Variants in ATP6V1A observed in about 807,000 individuals in gnomAD.
ATP6V1A encodes the protein ATPase H+ transporting V1 subunit A.
ATP6V1A carries 18 observed loss-of-function variants against 70.1 expected under a neutral mutation model. That is an observed-to-expected ratio of 0.26 (90% CI 0.18 to 0.38). ATP6V1A has a LOEUF of 0.38. Among genes scored for constraint, ATP6V1A ranks in the 10% least tolerant of loss-of-function variants. The pLI, the probability that ATP6V1A is intolerant of heterozygous loss-of-function variation, is 1.00. For missense variants in ATP6V1A, 424 were observed against 772.4 expected (o/e 0.55, Z 5.35); for synonymous variants, 232 against 253.8 (o/e 0.91, Z 0.82).
intron 12 of ATP6V1A, among the ~76,000 whole-genome samples, chr3:113,800,181 G>A (rs937226193): frequency 1.4e-5 from 2 of 146,896 alleles, no homozygotes; most frequent in Admixed American, 1.4e-4. Context: ...GCAGTGAGCC[G>A]AAATCACGCC....
At chr3:113,798,214 G>C (rs1372432462) in intron 11 of ATP6V1A, 29 bp from the exon 12 acceptor site, 2 of 1,606,338 alleles carry the variant, frequency 1.2e-6, no homozygotes, top group African/African-American at 2.7e-5. Flanking sequence ...AAAAATTACT[G>C]TTTTTGTGTG....
intron 12 of ATP6V1A, 69 bp downstream of exon 12, chr3:113,798,515 C>A: frequency 2.2e-6 from 3 of 1,390,062 alleles, no homozygotes; most frequent in Non-Finnish European, 3.0e-6. Context: ...ACAGATAGAG[C>A]CTTGGATATT....
intron 13 of ATP6V1A, 148 bp from the exon 14 acceptor site, chr3:113,805,206 A>G (rs2108045731): frequency 1.3e-6 from 1 of 784,244 alleles, no homozygotes; most frequent in African/African-American, 1.8e-5. Context: ...TCTTTTCACT[A>G]TTATTTTTTT....
At chr3:113,789,012 T>C in intron 7 of ATP6V1A, 137 bp downstream of exon 7, 1 of 782,740 alleles carries the variant, frequency 1.3e-6, no homozygotes, top group Non-Finnish European at 2.0e-6. Flanking sequence ...TAAAATTATA[T>C]TTGTAATTAA....
In ATP6V1A at chr3:113,783,426, A is replaced by G. The variant is rs1010987700; in HGVS notation, c.212-798A>G. 6.6e-5 allele frequency among the ~76,000 whole-genome samples: 10 copies of G among 152,278 alleles called. No homozygotes were observed. In the East Asian group the frequency reaches 1.9e-3, roughly 29 times the overall value. Reference sequence around the variant, plus strand: ...ATGCTTATTTATATATTTTATTCTTATTTGTATGTTTTCAAAATAACTTTA... The same window carrying G: ...ATGCTTATTTATATATTTTATTCTTGTTTGTATGTTTTCAAAATAACTTTA... On this transcript the variant is annotated intron_variant, in intron 3 of 14. Coordinates refer to ENST00000273398, the MANE Select transcript of ATP6V1A (RefSeq NM_001690.4).
chr3:113,778,675 C>G (rs1446550054), intron 1 of ATP6V1A, 66 bp from the exon 2 acceptor site: 1 of 833,382 alleles, frequency 1.2e-6, no homozygotes, highest in East Asian at 3.0e-5. Context: ...AGTGGACTAC[C>G]TATATTTTGG....
Position 113,778,906 on chromosome 3 carries a change from A to G in ATP6V1A, c.82+71A>G, listed in dbSNP as rs190971499. ...TTAATGTCTTTTCAAAATATTTTAC[A>G]TAGAAATATACAACTTTCTGTTTAC... On this transcript the variant is annotated intron_variant, in intron 2 of 14. Coordinates refer to ENST00000273398, the MANE Select transcript of ATP6V1A (RefSeq NM_001690.4). 2.1e-4 allele frequency: 219 copies of G among 1,042,196 alleles called. No homozygotes were observed. In the Middle Eastern group the frequency reaches 3.1e-3, roughly 15 times the overall value. The allele number at this position is 1,042,196 out of a possible 1,614,324, so 64.6% of individuals were successfully genotyped here.
chr3:113,767,429 C>T (rs185464671), intron 1 of ATP6V1A, among the ~76,000 whole-genome samples: 1 of 152,144 alleles, frequency 6.6e-6, no homozygotes, highest in East Asian at 1.9e-4. Flanking sequence ...TACTGAGTTA[C>T]TGCTGTATAA....
chr3:113,774,697 C>G (rs1487906650), intron 1 of ATP6V1A, among the ~76,000 whole-genome samples: 4 of 151,906 alleles, frequency 2.6e-5, no homozygotes, highest in Non-Finnish European at 4.4e-5. Flanking sequence ...ACTGTAGTCC[C>G]AGCTACTCAG....
chr3:113,772,829 A>G (rs1021650185), intron 1 of ATP6V1A, among the ~76,000 whole-genome samples: 1 of 151,950 alleles, frequency 6.6e-6, no homozygotes, highest in African/African-American at 2.4e-5. Context: ...AGCAGATTTC[A>G]GGATGTATTT....
chr3:113,755,891 T>C (rs1405708659), intron 1 of ATP6V1A, among the ~76,000 whole-genome samples: 3 of 152,180 alleles, frequency 2.0e-5, no homozygotes, highest in Non-Finnish European at 4.4e-5. Flanking sequence ...GAGTATTACG[T>C]TGGAGATCTT....
chr3:113,747,277 C>G (rs886582830), intron 1 of ATP6V1A, 164 bp downstream of exon 1: 27 of 152,266 alleles, frequency 1.8e-4, no homozygotes, highest in African/African-American at 6.5e-4. Flanking sequence ...ACCCCCGCTC[C>G]CCCAAGTGTG....
At chr3:113,749,263 T>TCACACACACACACACACACACACA (rs58516178) in intron 1 of ATP6V1A, among the ~76,000 whole-genome samples, 4 of 141,162 alleles carry the variant, frequency 2.8e-5, no homozygotes, top group African/African-American at 1.1e-4. Context: ...TATACACAGA[T>TCACACACACACACACACACACACA]CACACACACA....
intron 7 of ATP6V1A, 42 bp downstream of exon 7, chr3:113,788,917 C>T (rs1709065177): frequency 6.5e-7 from 1 of 1,549,944 alleles, no homozygotes; most frequent in Non-Finnish European, 8.9e-7. Flanking sequence ...GAAAATACCA[C>T]TCATCAGTGT....
In ATP6V1A at chr3:113,798,224, G is replaced by T. The variant is rs1176638835; in HGVS notation, c.1291-19G>T. Reference sequence around the variant, plus strand: ...TTGAGAAAAATTACTGTTTTTGTGTGTGTGTTTTTTTTAATCAGGTGTTCT... The same window carrying T: ...TTGAGAAAAATTACTGTTTTTGTGTTTGTGTTTTTTTTAATCAGGTGTTCT... On this transcript the variant is annotated intron_variant, in intron 11 of 14. Transcript: ENST00000273398. 6.2e-7 allele frequency: 1 copy of T among 1,610,488 alleles called. No homozygotes were observed. Among genetic ancestry groups the T allele is most frequent in the Admixed American group, 1.7e-5 (1 of 59,942 alleles).
At chr3:113,795,511 T>TA (rs764495044) in intron 10 of ATP6V1A, among the ~76,000 whole-genome samples, 1 of 151,814 alleles carries the variant, frequency 6.6e-6, no homozygotes, top group African/African-American at 2.4e-5. Context: ...TGCATCACGG[T>TA]AAAAAGAAAG....
chr3:113,756,058 G>A (rs767920464), intron 1 of ATP6V1A, among the ~76,000 whole-genome samples: 3 of 152,136 alleles, frequency 2.0e-5, no homozygotes, highest in Non-Finnish European at 4.4e-5. Flanking sequence ...ACTCATGGAA[G>A]CCTCATAACA....
chr3:113,775,686 C>A (rs1278194764), intron 1 of ATP6V1A, among the ~76,000 whole-genome samples: 4 of 152,176 alleles, frequency 2.6e-5, no homozygotes, highest in Non-Finnish European at 4.4e-5. Flanking sequence ...GATCCCAAGT[C>A]TGCTGACCCA....
In ATP6V1A at chr3:113,783,388, A is replaced by C. The variant is rs530984100; in HGVS notation, c.212-836A>C. Among the ~76,000 whole-genome samples the C allele has an allele frequency of 9.8e-5, 15 of 152,310 alleles. 2 individuals are homozygous for C. Among genetic ancestry groups the C allele is most frequent in the African/African-American group, 3.4e-4 (14 of 41,566 alleles). On this transcript the variant is annotated intron_variant, in intron 3 of 14. Transcript: ENST00000273398. ...CTCCTGTCAACAAATGTGTAGAATA[A>C]AGTGGACTCATTATGCTTATTTATA...
Sources: allele counts gnomAD v4.1 joint callset (sites outside exome capture counted in the v4.1 genomes callset), GRCh38; gene constraint gnomAD v4.1.1; transcripts MANE v1.5; gene names NCBI Gene and HGNC (gene_info 2026-07-23, HGNC 2026-07-21).